Variants in C3orf49 observed in about 807,000 individuals in gnomAD.
The protein encoded by C3orf49 is putative uncharacterized protein C3orf49.
C3orf49 carries 27 observed loss-of-function variants against 13.3 expected under a neutral mutation model. The ratio of observed to expected loss-of-function variants is 2.02; its 90% CI spans 1.49 to 2.79. C3orf49 has a LOEUF of 2.79. Ranked by LOEUF, C3orf49 falls within the 30% of genes most tolerant of loss-of-function variation. C3orf49 has a pLI of 0.00. For missense variants in C3orf49, 242 were observed against 134.2 expected (o/e 1.80, Z -3.97); for synonymous variants, 87 against 47.6 (o/e 1.83, Z -3.40).
At chr3:63,821,859 T>C (rs774920234) in intron 1 of C3orf49, among the ~76,000 whole-genome samples, 2 of 152,174 alleles carry the variant, frequency 1.3e-5, no homozygotes, top group Non-Finnish European at 2.9e-5. Context: ...ACTGGAAATG[T>C]TCTGTATTCT....
chr3:63,844,992 T>C, intron 5 of C3orf49, 31 bp from the exon 6 acceptor site: 1 of 687,126 alleles, frequency 1.5e-6, no homozygotes, highest in Admixed American at 2.1e-5. Context: ...ATTGAGATCT[T>C]TACATTTGTT....
At chr3:63,792,821 G>A in the C3orf49 span, among the ~76,000 whole-genome samples, 1 of 152,148 alleles carries the variant, frequency 6.6e-6, no homozygotes, top group South Asian at 2.1e-4. Flanking sequence ...GGTGCAAAAG[G>A]TTTACATCCC....
chr3:63,788,039 T>G, the C3orf49 span, among the ~76,000 whole-genome samples: 1 of 152,160 alleles, frequency 6.6e-6, no homozygotes, highest in Non-Finnish European at 1.5e-5. Flanking sequence ...TTAGAGCCTC[T>G]CCAACAGCTG....
chr3:63,821,567 AAT>A (rs1363739228), intron 1 of C3orf49, among the ~76,000 whole-genome samples: 1 of 152,172 alleles, frequency 6.6e-6, no homozygotes, highest in Non-Finnish European at 1.5e-5. Flanking sequence ...TCAATCAGTG[AAT>A]AGTTAAACAA....
chr3:63,838,214 T>C (rs1462612087), intron 5 of C3orf49: 1 of 900,940 alleles, frequency 1.1e-6, no homozygotes. Context: ...TATATCATCT[T>C]AGAATACACA....
At chr3:63,797,820 A>G in the C3orf49 span, among the ~76,000 whole-genome samples, 2 of 152,190 alleles carry the variant, frequency 1.3e-5, no homozygotes, top group Non-Finnish European at 2.9e-5. Context: ...GATTCTTAAC[A>G]TGTAGAGTAG....
At chr3:63,832,899 AATT>A (rs892851036) in intron 5 of C3orf49, 9 of 152,116 alleles carry the variant, frequency 5.9e-5, no homozygotes, top group African/African-American at 1.4e-4. Context: ...TAAAGATAAA[AATT>A]ATTATTAAAA....
intron 1 of C3orf49, among the ~76,000 whole-genome samples, chr3:63,820,931 C>G (rs115673085): frequency 6.6e-6 from 1 of 152,098 alleles, no homozygotes; most frequent in East Asian, 1.9e-4. Context: ...TTATTTTGCC[C>G]TCTAGTGTGG....
At chr3:63,806,085 G>T in the C3orf49 span, among the ~76,000 whole-genome samples, 4 of 152,134 alleles carry the variant, frequency 2.6e-5, no homozygotes, top group African/African-American at 9.7e-5. Context: ...CAAAGGATAA[G>T]CCAGAGTGCC....
the C3orf49 span, chr3:63,782,343 C>T: frequency 6.6e-6 from 1 of 152,020 alleles, no homozygotes; most frequent in Non-Finnish European, 1.5e-5. Context: ...AAAAAACAAA[C>T]AAACATAAAA....
intron 2 of C3orf49, chr3:63,827,347 G>A (rs148910615): frequency 2.2e-5 from 7 of 317,004 alleles, no homozygotes; most frequent in African/African-American, 1.3e-4. Context: ...ATCTCGAAGA[G>A]AGAGAGAGGT....
chr3:63,816,754 ATTTTC>A (rs199520861), upstream of C3orf49, among the ~76,000 whole-genome samples: 512 of 118,662 alleles, frequency 4.3e-3, 10 homozygotes, highest in African/African-American at 0.015. Flanking sequence ...TTTCTTCCAC[ATTTTC>A]TTTTCTTTTC....
chr3:63,843,671 T>C (rs1246391457), intron 5 of C3orf49, among the ~76,000 whole-genome samples: 2 of 151,888 alleles, frequency 1.3e-5, no homozygotes, highest in Non-Finnish European at 2.9e-5. Flanking sequence ...GAGGCCAAGG[T>C]GGGCGCATCA....
At chr3:63,819,677 T>C in intron 1 of C3orf49, 81 bp downstream of exon 1, 1 of 687,586 alleles carries the variant, frequency 1.5e-6, no homozygotes, top group Non-Finnish European at 2.7e-6. Flanking sequence ...AGCATTGCAT[T>C]TAGGAATGAG....
chr3:63,823,400 G>A lies in C3orf49; in HGVS notation c.276G>A (p.Arg92=), dbSNP rs1423196923. Residue 92 remains arginine (R), a synonymous_variant, in exon 2 of 7, where the codon AGG becomes AGA. Transcript: ENST00000295896. The part of the protein sequence containing the change: ...LKTKVKTAFG[R]MLSYKYRSKP... ...CGAAAGTGAAGACTGCTTTTGGGAG[G>A]ATGCTGTCCTACAAGTATAGAAGCA... 2.8e-6 allele frequency: 2 copies of A among 703,166 alleles called. No individual in the cohort carries two copies. Among genetic ancestry groups the A allele is most frequent in the African/African-American group, 1.7e-5 (1 of 57,242 alleles). 43.6% of individuals were successfully genotyped at this position (703,166 alleles called of 1,614,324 possible). A position where few individuals can be genotyped will look rare whatever the true frequency, so the allele number is the denominator to read the frequency against.
chr3:63,803,939 G>A, the C3orf49 span, among the ~76,000 whole-genome samples: 1 of 151,746 alleles, frequency 6.6e-6, no homozygotes, highest in Admixed American at 6.6e-5. Context: ...CAACTAGATG[G>A]CCCCATCTGG....
intron 1 of C3orf49, among the ~76,000 whole-genome samples, chr3:63,821,231 A>T (rs1214444934): frequency 6.6e-6 from 1 of 152,202 alleles, no homozygotes; most frequent in Non-Finnish European, 1.5e-5. Flanking sequence ...CTGTCACTGA[A>T]CCACTTCCCA....
At chr3:63,791,948 A>G in the C3orf49 span, among the ~76,000 whole-genome samples, 1 of 152,124 alleles carries the variant, frequency 6.6e-6, no homozygotes, top group Non-Finnish European at 1.5e-5. Context: ...AAAAGACTTA[A>G]ATTCTTGATT....
chr3:63,797,164 C>A, the C3orf49 span, among the ~76,000 whole-genome samples: 6 of 152,042 alleles, frequency 3.9e-5, no homozygotes, highest in Non-Finnish European at 8.8e-5. Flanking sequence ...TGCTGTAATT[C>A]TTATCCTGTT....
Sources: gnomAD v4.1 joint callset for allele counts (sites outside exome capture counted in the v4.1 genomes callset) on GRCh38, gnomAD v4.1.1 for gene constraint, MANE v1.5 for transcripts, NCBI Gene and HGNC (gene_info 2026-07-23, HGNC 2026-07-21) for gene names.